The following ANKMY1 variants were observed in gnomAD, a reference collection of about 807,000 sequenced individuals.
ANKMY1 encodes the protein ankyrin repeat and MYND domain-containing protein 1.
Under a neutral mutation model 102.0 loss-of-function variants are expected in ANKMY1, and 98 were observed. The observed-to-expected ratio is 0.96, with a 90% CI of 0.82 to 1.14. ANKMY1 has a LOEUF of 1.14. ANKMY1 is among the 50% of genes most tolerant of loss of function. The pLI is 0.00. For missense variants in ANKMY1, 1,330 were observed against 1,347.6 expected, an observed-to-expected ratio of 0.99 and a Z score of 0.20; for synonymous variants, 582 against 559.9, an observed-to-expected ratio of 1.04 and a Z score of -0.56.
At position 240,506,950 on chromosome 2, in the gene ANKMY1, C is replaced by T. The variant is rs374269396; in HGVS notation, c.2526+610G>A. On this transcript the variant is annotated intron_variant, in intron 13 of 17. Coordinates refer to ENST00000401804, the MANE Select transcript of ANKMY1 (RefSeq NM_001282771.3). The surrounding 1 kb of genome is among the most constrained non-coding windows in gnomAD (Gnocchi z 4.9). ...ACTGTGAGCTTCCACCTAAGAAAGC[C>T]GCTCCCTGTGGCCAGGAGACAATGC... Among the ~76,000 whole-genome samples, 21 of 152,004 alleles carry T rather than the reference C, an allele frequency of 1.4e-4. No homozygotes were observed. Among genetic ancestry groups the T allele is most frequent in the African/African-American group, 4.6e-4 (19 of 41,368 alleles).
intron 12 of ANKMY1, among the ~76,000 whole-genome samples, 181 bp downstream of exon 12, chr2:240,509,167 G>A (rs1027505858): frequency 2.6e-5 from 4 of 151,158 alleles, no homozygotes; most frequent in African/African-American, 7.3e-5. Flanking sequence ...GTGGAAGAGT[G>A]AGTGAATGGG....
chr2:240,535,560 G>T (rs2086526124), intron 4 of ANKMY1, among the ~76,000 whole-genome samples: 2 of 152,298 alleles, frequency 1.3e-5, no homozygotes, highest in Non-Finnish European at 2.9e-5. Context: ...AAGAGACTTT[G>T]CAGGGCAATT....
chr2:240,527,473 T>C (rs2083870387), intron 5 of ANKMY1: 1 of 152,456 alleles, frequency 6.6e-6, no homozygotes, highest in African/African-American at 2.4e-5. Context: ...GGATGTTCCA[T>C]GGGTGGACTG....
At chr2:240,537,577 A>C (rs573006903) in intron 4 of ANKMY1, among the ~76,000 whole-genome samples, 77 of 152,316 alleles carry the variant, frequency 5.1e-4, no homozygotes, top group African/African-American at 1.7e-3. Context: ...GGGTGACAAC[A>C]ACCATTTGGT....
chr2:240,483,528 A>C (rs2075689690), intron 15 of ANKMY1, among the ~76,000 whole-genome samples: 1 of 152,310 alleles, frequency 6.6e-6, no homozygotes, highest in South Asian at 2.1e-4. Flanking sequence ...ATCCAATGTG[A>C]CAATCTCTGC....
At position 240,535,069 on chromosome 2, in the gene ANKMY1, T is replaced by C. The variant is rs371669435; in HGVS notation, c.481-5560A>G. On this transcript the variant is annotated intron_variant, in intron 4 of 17. Transcript: ENST00000401804. ...GCTGTGTCGATGAAAAAAGTCAAAC[T>C]GTGTGAAATGTTTTAAGAGATTTAT... is the stretch of plus-strand genomic sequence containing the variant. 1.1e-4 allele frequency among the ~76,000 whole-genome samples: 17 copies of C among 152,308 alleles called. No homozygotes were observed. In the East Asian group the frequency reaches 2.9e-3, roughly 26 times the overall value.
Position 240,520,238 on chromosome 2 carries a change from G to T in ANKMY1, c.2004+124C>A. Reference sequence around the variant, plus strand: ...CTGCGGCGCGCCGTCATCACTCACAGCCCAGGTGGTCGCCTGCAAGAGCCC... The same window carrying T: ...CTGCGGCGCGCCGTCATCACTCACATCCCAGGTGGTCGCCTGCAAGAGCCC... On this transcript the variant is annotated intron_variant, in intron 9 of 17. Transcript: ENST00000401804. The surrounding 1 kb of genome is among the most constrained non-coding windows in gnomAD (Gnocchi z 4.8). 1 of 1,402,940 alleles carries T rather than the reference G, an allele frequency of 7.1e-7. No individual in the cohort carries two copies. Among genetic ancestry groups the T allele is most frequent in the Non-Finnish European group, 9.8e-7 (1 of 1,019,980 alleles). 86.9% of individuals were successfully genotyped at this position (1,402,940 alleles called of 1,614,324 possible).
chr2:240,521,196 T>G (rs1244804576), intron 8 of ANKMY1, among the ~76,000 whole-genome samples: 1 of 151,968 alleles, frequency 6.6e-6, no homozygotes, highest in Non-Finnish European at 1.5e-5. Context: ...AGGGCAGGTG[T>G]AGGATCGAGC....
chr2:240,554,795 C>A, intron 3 of ANKMY1, 71 bp downstream of exon 3: 1 of 1,568,598 alleles, frequency 6.4e-7, no homozygotes, highest in South Asian at 1.2e-5. Flanking sequence ...CGTCCCATCA[C>A]TCTTGGAAGG....
intron 9 of ANKMY1, among the ~76,000 whole-genome samples, chr2:240,514,168 T>A (rs1227334834): frequency 1.3e-5 from 2 of 152,054 alleles, no homozygotes; most frequent in Non-Finnish European, 2.9e-5. Flanking sequence ...AATCAGGAAA[T>A]GATTAAGCTG....
intron 4 of ANKMY1, among the ~76,000 whole-genome samples, chr2:240,545,291 C>G (rs1035790885): frequency 6.6e-6 from 1 of 152,214 alleles, no homozygotes; most frequent in Non-Finnish European, 1.5e-5. Context: ...AGACCTGCAG[C>G]TGAGGGTCCT....
chr2:240,560,014 G>T (rs146875907), upstream of ANKMY1: 19 of 152,504 alleles, frequency 1.2e-4, no homozygotes, highest in Middle Eastern at 3.4e-3. Context: ...TTACAATGCT[G>T]ACCCCAATAA....
At chr2:240,493,943 A>AATT (rs1288284367) in intron 15 of ANKMY1, among the ~76,000 whole-genome samples, 1 of 152,132 alleles carries the variant, frequency 6.6e-6, no homozygotes, top group African/African-American at 2.4e-5. Flanking sequence ...ATGGCATGAA[A>AATT]ATTCTCTGGG....
Position 240,482,287 on chromosome 2 carries a change from G to C in ANKMY1, c.2807-26C>G, listed in dbSNP as rs943145664. 5 of 1,598,654 alleles carry C rather than the reference G, an allele frequency of 3.1e-6. No homozygotes were observed. In the African/African-American group the frequency reaches 6.7e-5, roughly 22 times the overall value. ...CTGCATGAGAGAGGGTCCCGCATTAGTACCCACGTGGCAGGGTGGGGGCCA... is the reference window on the plus strand; with the variant it reads ...CTGCATGAGAGAGGGTCCCGCATTACTACCCACGTGGCAGGGTGGGGGCCA... On this transcript the variant is annotated intron_variant, in intron 15 of 17. Coordinates refer to ENST00000401804, the MANE Select transcript of ANKMY1 (RefSeq NM_001282771.3).
At chr2:240,485,904 T>C (rs1485419641) in intron 15 of ANKMY1, among the ~76,000 whole-genome samples, 1 of 152,200 alleles carries the variant, frequency 6.6e-6, no homozygotes, top group Non-Finnish European at 1.5e-5. Context: ...ACCATATGAA[T>C]CTTGACTGGT....
At position 240,500,120 on chromosome 2, in the gene ANKMY1, G is replaced by T; in HGVS notation, c.2644C>A (p.Arg882=). The change falls in exon 15 of 18, where the codon CGG becomes AGG. Residue 882 remains arginine, a synonymous_variant. Coordinates refer to ENST00000401804, the MANE Select transcript of ANKMY1 (RefSeq NM_001282771.3). ...DYGYFRFFQD[R]RIARCPFHTL... ...TGGAAGGGGCAGCGGGCAATCCTCC[G>T]GTCCTGCGGCACAGCACCAGGGTCA... The T allele has an allele frequency of 6.3e-7, 1 of 1,598,832 alleles. No individual in the cohort carries two copies. Among genetic ancestry groups the T allele is most frequent in the East Asian group, 2.3e-5 (1 of 44,038 alleles).
chr2:240,560,506 C>T, upstream of ANKMY1: 1 of 984,450 alleles, frequency 1.0e-6, no homozygotes, highest in South Asian at 2.9e-5. Context: ...GACCCAAGCC[C>T]CCTGTCCCGG....
At chr2:240,509,664 G>A (rs189702078) in intron 11 of ANKMY1, among the ~76,000 whole-genome samples, 94 of 152,270 alleles carry the variant, frequency 6.2e-4, no homozygotes, top group African/African-American at 2.1e-3. Flanking sequence ...ATCTTCAAAT[G>A]GAGAAGATAT....
At chr2:240,557,117 C>T in intron 2 of ANKMY1, 73 bp downstream of exon 2, 1 of 1,380,532 alleles carries the variant, frequency 7.2e-7, no homozygotes, top group Non-Finnish European at 9.5e-7. Flanking sequence ...TTACTGCTTG[C>T]CTTAAGGAGA....
Sources: gnomAD v4.1 joint callset for allele counts (sites outside exome capture counted in the v4.1 genomes callset) on GRCh38, gnomAD v4.1.1 for gene constraint, Gnocchi (gnomAD v3.1) non-coding constraint, MANE v1.5 for transcripts, NCBI Gene and HGNC (gene_info 2026-07-23, HGNC 2026-07-21) for gene names.